Variants in EPHA6 observed in about 807,000 individuals in gnomAD.
EPHA6 encodes the protein EPH receptor A6.
EPHA6 carries 50 observed loss-of-function variants against 112.0 expected under a neutral mutation model. That is an observed-to-expected ratio of 0.45 (90% CI 0.36 to 0.56). The LOEUF (loss-of-function observed/expected upper bound fraction) is 0.56. Ranked by LOEUF, EPHA6 falls within the 20% of genes least tolerant of loss-of-function variation. EPHA6 has a pLI of 0.00. For missense variants in EPHA6, 1,280 were observed against 1,417.4 expected (o/e 0.90, Z 1.56); for synonymous variants, 529 against 490.7 (o/e 1.08, Z -1.03).
chr3:97,266,965 T>A (rs2079705968), intron 5 of EPHA6, among the ~76,000 whole-genome samples: 1 of 152,130 alleles, frequency 6.6e-6, no homozygotes, highest in African/African-American at 2.4e-5. Context: ...AATAAAGGGG[T>A]AGAGTCATCA....
chr3:97,591,270 C>A (rs994478368), intron 11 of EPHA6, among the ~76,000 whole-genome samples: 2 of 152,138 alleles, frequency 1.3e-5, no homozygotes, highest in Non-Finnish European at 2.9e-5. Flanking sequence ...GAGATGTGAA[C>A]TTTTCTTTAC....
intron 4 of EPHA6, among the ~76,000 whole-genome samples, chr3:97,233,376 G>C (rs779218475): frequency 3.7e-4 from 56 of 150,272 alleles, no homozygotes; most frequent in Non-Finnish European, 6.9e-4. Flanking sequence ...TAAAAGATGA[G>C]ATTGTTGGGG....
chr3:96,923,419 G>A (rs1212356628), intron 2 of EPHA6, among the ~76,000 whole-genome samples: 1 of 151,698 alleles, frequency 6.6e-6, no homozygotes, highest in Non-Finnish European at 1.5e-5. Context: ...ACATATAGTT[G>A]TTGACTGCAT....
chr3:96,847,616 G>T (rs1185486813), intron 1 of EPHA6, among the ~76,000 whole-genome samples: 1 of 152,056 alleles, frequency 6.6e-6, no homozygotes, highest in East Asian at 1.9e-4. Context: ...CATTTAAAAA[G>T]ATTCTTTAGA....
At chr3:96,906,976 A>C (rs2038967281) in intron 2 of EPHA6, among the ~76,000 whole-genome samples, 1 of 151,852 alleles carries the variant, frequency 6.6e-6, no homozygotes, top group Admixed American at 6.6e-5. Context: ...ATGAAGGAGA[A>C]TGGAATGGGG....
At chr3:97,168,027 T>C (rs926971782) in intron 3 of EPHA6, among the ~76,000 whole-genome samples, 2 of 152,114 alleles carry the variant, frequency 1.3e-5, no homozygotes, top group African/African-American at 4.8e-5. Flanking sequence ...TTTGTATGTA[T>C]TTAGTAAAGA....
chr3:96,912,255 G>A (rs2039256824), intron 2 of EPHA6, among the ~76,000 whole-genome samples: 2 of 152,236 alleles, frequency 1.3e-5, no homozygotes, highest in South Asian at 4.1e-4. Flanking sequence ...TCGAATTTCA[G>A]TAGCCAACGT....
chr3:97,200,703 A>G (rs1404428576), intron 3 of EPHA6, among the ~76,000 whole-genome samples: 1 of 152,120 alleles, frequency 6.6e-6, no homozygotes, highest in East Asian at 1.9e-4. Flanking sequence ...AAATCTTGCT[A>G]GTGCTCAGCA....
intron 3 of EPHA6, among the ~76,000 whole-genome samples, chr3:97,134,149 C>T (rs368916699): frequency 3.6e-4 from 55 of 151,828 alleles, no homozygotes; most frequent in African/African-American, 1.1e-3. Flanking sequence ...ATTTCATATG[C>T]GTTTTATTTA....
chr3:97,196,403 C>T (rs1342230222), intron 3 of EPHA6, among the ~76,000 whole-genome samples: 3 of 151,966 alleles, frequency 2.0e-5, no homozygotes, highest in East Asian at 1.9e-4. Flanking sequence ...TCCTAAGTTT[C>T]GTCAATCTTC....
At chr3:97,404,148 T>C (rs1234787299) in intron 5 of EPHA6, among the ~76,000 whole-genome samples, 1 of 152,212 alleles carries the variant, frequency 6.6e-6, no homozygotes, top group Non-Finnish European at 1.5e-5. Flanking sequence ...CTTTGTGTTG[T>C]GCAGTGTATC....
intron 2 of EPHA6, among the ~76,000 whole-genome samples, chr3:96,925,410 A>G (rs2039982257): frequency 6.6e-6 from 1 of 152,070 alleles, no homozygotes; most frequent in Non-Finnish European, 1.5e-5. Context: ...CATTTCTTCT[A>G]GATTTTCTAG....
At chr3:97,447,238 CAAATACATGA>C (rs2090377202) in intron 6 of EPHA6, among the ~76,000 whole-genome samples, 1 of 152,098 alleles carries the variant, frequency 6.6e-6, no homozygotes, top group African/African-American at 2.4e-5. Context: ...GCATCACCAG[CAAATACATGA>C]AGTTTGACCT....
At chr3:97,569,679 G>T (rs999402309) in intron 11 of EPHA6, among the ~76,000 whole-genome samples, 1 of 152,148 alleles carries the variant, frequency 6.6e-6, no homozygotes, top group Non-Finnish European at 1.5e-5. Context: ...AATGACAAAA[G>T]ATTAGAGGCA....
chr3:97,315,473 A>T (rs1431860444), intron 5 of EPHA6, among the ~76,000 whole-genome samples: 1 of 151,716 alleles, frequency 6.6e-6, no homozygotes, highest in Admixed American at 6.6e-5. Context: ...GTGAATAGTG[A>T]GTGTGGCCCA....
intron 8 of EPHA6, among the ~76,000 whole-genome samples, chr3:97,478,598 TA>T (rs1473308483): frequency 7.4e-5 from 10 of 135,000 alleles, no homozygotes; most frequent in South Asian, 2.2e-4. Flanking sequence ...GAAAAAAAAA[TA>T]TTTTGAAGTA....
intron 3 of EPHA6, among the ~76,000 whole-genome samples, chr3:97,201,646 A>ATTTGT (rs1384008980): frequency 6.6e-6 from 1 of 152,128 alleles, no homozygotes; most frequent in African/African-American, 2.4e-5. Flanking sequence ...ATTTGTTAAC[A>ATTTGT]TTTGTTTTCA....
At chr3:97,599,591 A>G (rs1216853376) in intron 12 of EPHA6, among the ~76,000 whole-genome samples, 4 of 151,236 alleles carry the variant, frequency 2.6e-5, no homozygotes, top group Admixed American at 1.3e-4. Context: ...ATGCGGCGTT[A>G]TTTCTGAGGG....
intron 5 of EPHA6, among the ~76,000 whole-genome samples, chr3:97,319,667 CAAAA>C (rs1340197693): frequency 1.8e-5 from 1 of 54,770 alleles, no homozygotes; most frequent in Non-Finnish European, 3.9e-5. Flanking sequence ...GAGATTGTCT[CAAAA>C]AAAAAAAAAC....
Sources: allele counts gnomAD v4.1 joint callset (sites outside exome capture counted in the v4.1 genomes callset), GRCh38; gene constraint gnomAD v4.1.1; transcripts MANE v1.5; gene names NCBI Gene and HGNC (gene_info 2026-07-23, HGNC 2026-07-21).